The following CEP83 variants were observed in gnomAD, a reference collection of about 807,000 sequenced individuals.
CEP83 encodes the protein centrosomal protein of 83 kDa.
A neutral mutation model predicts 101.9 loss-of-function variants in CEP83; 70 were observed. The observed-to-expected ratio is 0.69, with a 90% confidence interval of 0.57 to 0.84. The LOEUF (loss-of-function observed/expected upper bound fraction) is 0.84, where lower values mean the gene tolerates loss of function less well. Among genes scored for constraint, CEP83 ranks in the 40% least tolerant of loss-of-function variants. The pLI is 0.00. For synonymous variants in CEP83, 264 were observed against 267.9 expected, an observed-to-expected ratio of 0.99 and a Z score of 0.14; for missense variants, 715 against 787.2, an observed-to-expected ratio of 0.91 and a Z score of 1.10.
chr12:94,424,216 A>G (rs1004233213), intron 2 of CEP83: 36 of 1,611,820 alleles, frequency 2.2e-5, no homozygotes, highest in Admixed American at 3.3e-5. Flanking sequence ...TGGTGGGGTC[A>G]TAGGTCAAGG....
chr12:94,430,152 A>C, intron 2 of CEP83, among the ~76,000 whole-genome samples: 1 of 152,118 alleles, frequency 6.6e-6, no homozygotes, highest in South Asian at 2.1e-4. Flanking sequence ...CACCATTGGC[A>C]ACTAAGGACT....
At chr12:94,452,892 G>A (rs937066339) in intron 1 of CEP83, among the ~76,000 whole-genome samples, 6 of 152,096 alleles carry the variant, frequency 3.9e-5, no homozygotes, top group Non-Finnish European at 5.9e-5. Flanking sequence ...AAAAAGTTAC[G>A]CAGCTAGTAA....
chr12:94,439,203 C>G (rs527982157), intron 1 of CEP83, among the ~76,000 whole-genome samples: 11 of 152,044 alleles, frequency 7.2e-5, no homozygotes, highest in Admixed American at 1.3e-4. Flanking sequence ...AACACAACAA[C>G]AAGAACAACA....
At chr12:94,295,658 A>G in the CEP83 span, among the ~76,000 whole-genome samples, 3 of 152,144 alleles carry the variant, frequency 2.0e-5, no homozygotes, top group South Asian at 6.2e-4. Flanking sequence ...CCAACGCTGG[A>G]TGAACCCAAC....
intron 11 of CEP83, among the ~76,000 whole-genome samples, chr12:94,345,263 A>G (rs533170729): frequency 6.6e-6 from 1 of 152,326 alleles, no homozygotes; most frequent in African/African-American, 2.4e-5. Flanking sequence ...AAATTGATAA[A>G]GTGGTGTAGT....
At chr12:94,369,798 C>CA in intron 9 of CEP83, 124 bp downstream of exon 9, 1 of 602,356 alleles carries the variant, frequency 1.7e-6, no homozygotes, top group Non-Finnish European at 2.9e-6. Flanking sequence ...ATATGTACTC[C>CA]AAAATTAAAA....
In CEP83 at chr12:94,359,812, C is replaced by G. The variant is rs575330010; in HGVS notation, c.1343+7982G>C. On this transcript the variant is annotated intron_variant, in intron 11 of 16. Coordinates refer to ENST00000397809, the MANE Select transcript of CEP83 (RefSeq NM_016122.3). ...GCATTACCCTGACACCAAAACCAGA[C>G]AGGGACACAACAAAAAAAAGAGCAC... Among the ~76,000 whole-genome samples, 3 of 152,238 alleles carry G rather than the reference C, an allele frequency of 2.0e-5. No homozygotes were observed. In the East Asian group the frequency reaches 5.8e-4, roughly 29 times the overall value.
At chr12:94,289,921 A>G in the CEP83 span, among the ~76,000 whole-genome samples, 1 of 152,222 alleles carries the variant, frequency 6.6e-6, no homozygotes, top group Admixed American at 6.5e-5. Flanking sequence ...TTTCAGAGTA[A>G]AATTTCCTTG....
chr12:94,378,517 A>G (rs767859213), intron 7 of CEP83, among the ~76,000 whole-genome samples: 1 of 152,170 alleles, frequency 6.6e-6, no homozygotes, highest in Non-Finnish European at 1.5e-5. Context: ...TTTATTTTGC[A>G]TATTCTATTA....
chr12:94,436,967 G>A (rs2066039338), intron 1 of CEP83, among the ~76,000 whole-genome samples: 1 of 152,082 alleles, frequency 6.6e-6, no homozygotes, highest in Non-Finnish European at 1.5e-5. Flanking sequence ...TAAGGAAGAA[G>A]AGAAATCCAA....
At chr12:94,331,387 G>A (rs1429329635) in intron 14 of CEP83, among the ~76,000 whole-genome samples, 6 of 46,114 alleles carry the variant, frequency 1.3e-4, no homozygotes, top group Non-Finnish European at 2.4e-4. Context: ...TTTTTTTTGC[G>A]ACAGAGTCTT....
At chr12:94,434,363 T>C (rs1463830957) in intron 2 of CEP83, among the ~76,000 whole-genome samples, 1 of 152,210 alleles carries the variant, frequency 6.6e-6, no homozygotes, top group East Asian at 1.9e-4. Context: ...AATGTTTACA[T>C]GGAAATTCTT....
At chr12:94,390,240 C>G (rs116998093) in intron 6 of CEP83, among the ~76,000 whole-genome samples, 6,914 of 152,166 alleles carry the variant, frequency 0.045, 215 homozygotes, top group Non-Finnish European at 0.072. Context: ...CTCACATAGG[C>G]AAGCTGACCC....
chr12:94,343,224 T>C (rs2059769413), intron 11 of CEP83, among the ~76,000 whole-genome samples: 1 of 152,106 alleles, frequency 6.6e-6, no homozygotes, highest in African/African-American at 2.4e-5. Flanking sequence ...TATAGTTCTA[T>C]AGTCGCTGGG....
intron 11 of CEP83, among the ~76,000 whole-genome samples, chr12:94,355,717 C>T (rs994131306): frequency 2.6e-5 from 4 of 152,132 alleles, no homozygotes; most frequent in African/African-American, 9.7e-5. Flanking sequence ...TTTACAGGAA[C>T]GAGGGCAAGG....
At chr12:94,438,601 C>T (rs1036365139) in intron 1 of CEP83, among the ~76,000 whole-genome samples, 2 of 152,132 alleles carry the variant, frequency 1.3e-5, no homozygotes, top group African/African-American at 4.8e-5. Flanking sequence ...CAGTGAGAGA[C>T]TTCAATACTC....
intron 11 of CEP83, among the ~76,000 whole-genome samples, chr12:94,359,015 C>CA (rs2136903846): frequency 6.6e-6 from 1 of 152,368 alleles, no homozygotes; most frequent in South Asian, 2.1e-4. Context: ...AAGCCACAAA[C>CA]AAAAGCCTGA....
chr12:94,376,743 A>AT (rs1208558473), intron 7 of CEP83, among the ~76,000 whole-genome samples: 8 of 108,474 alleles, frequency 7.4e-5, no homozygotes, highest in Non-Finnish European at 1.6e-4. Flanking sequence ...ATATATATAT[A>AT]TATATTTTTT....
chr12:94,353,047 T>C (rs1160831031), intron 11 of CEP83, among the ~76,000 whole-genome samples: 2 of 152,066 alleles, frequency 1.3e-5, no homozygotes, highest in Non-Finnish European at 1.5e-5. Flanking sequence ...AGGCATACTA[T>C]ACTCAAACAT....
Sources: gnomAD v4.1 joint callset for allele counts (sites outside exome capture counted in the v4.1 genomes callset) on GRCh38, gnomAD v4.1.1 for gene constraint, MANE v1.5 for transcripts, NCBI Gene and HGNC (gene_info 2026-07-23, HGNC 2026-07-21) for gene names.